Variants in CENPW observed in about 807,000 individuals in gnomAD.
CENPW encodes cancer-up-regulated gene 2 protein.
CENPW carries 3 observed loss-of-function variants against 11.1 expected under a neutral mutation model. The observed-to-expected ratio is 0.27, with a 90% CI of 0.12 to 0.70. CENPW has a LOEUF of 0.70. Ranked by LOEUF, CENPW falls within the 30% of genes least tolerant of loss-of-function variation. The probability of loss-of-function intolerance (pLI) is 0.77; values close to 1 mark genes in which losing one functional copy is unlikely to be tolerated. For missense variants in CENPW, 100 were observed against 105.6 expected (o/e 0.95, Z 0.23); for synonymous variants, 38 against 42.0 (o/e 0.91, Z 0.37).
the CENPW span, among the ~76,000 whole-genome samples, chr6:126,415,769 C>A: frequency 2.6e-5 from 4 of 152,162 alleles, no homozygotes; most frequent in African/African-American, 7.2e-5. Flanking sequence ...TGAGACATGC[C>A]TTTCACCTTC....
the CENPW span, among the ~76,000 whole-genome samples, chr6:126,425,600 G>A: frequency 6.6e-6 from 1 of 151,956 alleles, no homozygotes; most frequent in Non-Finnish European, 1.5e-5. Flanking sequence ...TTCAATAAGA[G>A]TAGTACTGCA....
chr6:126,343,220 A>G (rs1262747477), intron 1 of CENPW, among the ~76,000 whole-genome samples: 3 of 152,208 alleles, frequency 2.0e-5, no homozygotes, highest in Non-Finnish European at 4.4e-5. Flanking sequence ...TTTTCAAGTT[A>G]GAATGCCTAG....
the CENPW span, among the ~76,000 whole-genome samples, chr6:126,418,532 G>T: frequency 5.3e-5 from 8 of 152,140 alleles, no homozygotes; most frequent in Admixed American, 4.6e-4. Context: ...TTTTGGGGAA[G>T]TGAAATTATT....
intron 2 of CENPW, among the ~76,000 whole-genome samples, chr6:126,347,241 G>T (rs940283272): frequency 5.9e-5 from 9 of 152,104 alleles, no homozygotes; most frequent in African/African-American, 2.2e-4. Flanking sequence ...TGATAGAGGA[G>T]GGAAACTTAT....
chr6:126,429,407 C>T, the CENPW span, among the ~76,000 whole-genome samples: 1 of 152,016 alleles, frequency 6.6e-6, no homozygotes, highest in Non-Finnish European at 1.5e-5. Context: ...GGGTGGATTC[C>T]CCATCCCTTG....
the CENPW span, among the ~76,000 whole-genome samples, chr6:126,383,601 AAG>A: frequency 2.0e-5 from 3 of 152,066 alleles, no homozygotes; most frequent in Non-Finnish European, 2.9e-5. Context: ...AAATGGAAAA[AAG>A]AAAAAAAAAT....
At chr6:126,444,591 C>T in the CENPW span, among the ~76,000 whole-genome samples, 1 of 150,692 alleles carries the variant, frequency 6.6e-6, no homozygotes, top group African/African-American at 2.4e-5. Flanking sequence ...TATTCTTTTT[C>T]TTCCCTTCAG....
At chr6:126,441,388 G>T in the CENPW span, among the ~76,000 whole-genome samples, 1 of 151,144 alleles carries the variant, frequency 6.6e-6, no homozygotes, top group African/African-American at 2.4e-5. Context: ...GTAAACTGCC[G>T]AACTTCCCTC....
At chr6:126,378,426 C>T in the CENPW span, among the ~76,000 whole-genome samples, 1 of 151,030 alleles carries the variant, frequency 6.6e-6, no homozygotes, top group African/African-American at 2.4e-5. Flanking sequence ...CTGCTATAAC[C>T]ACACATATAA....
At chr6:126,413,428 ATATACT>A in the CENPW span, among the ~76,000 whole-genome samples, 4 of 152,122 alleles carry the variant, frequency 2.6e-5, no homozygotes, top group Non-Finnish European at 4.4e-5. Flanking sequence ...AAATATGATG[ATATACT>A]TAAAGTGCTG....
At chr6:126,454,510 T>C in the CENPW span, among the ~76,000 whole-genome samples, 1 of 151,318 alleles carries the variant, frequency 6.6e-6, no homozygotes, top group South Asian at 2.1e-4. Context: ...ATCAAGACAT[T>C]CTTTGAAATT....
chr6:126,471,220 T>TC, the CENPW span, among the ~76,000 whole-genome samples: 21 of 152,180 alleles, frequency 1.4e-4, no homozygotes, highest in South Asian at 4.4e-3. Context: ...GGGTGCCATT[T>TC]CCCCCATGGT....
the CENPW span, among the ~76,000 whole-genome samples, chr6:126,451,185 A>T: frequency 6.6e-6 from 1 of 151,150 alleles, no homozygotes; most frequent in East Asian, 2.0e-4. Flanking sequence ...TTAAAATTTA[A>T]TGGATTCTGC....
chr6:126,471,140 A>G, the CENPW span, among the ~76,000 whole-genome samples: 1 of 152,134 alleles, frequency 6.6e-6, no homozygotes, highest in Non-Finnish European at 1.5e-5. Context: ...TTGTGTCCCT[A>G]CCCAAATCTT....
At chr6:126,421,773 C>A in the CENPW span, among the ~76,000 whole-genome samples, 1 of 152,036 alleles carries the variant, frequency 6.6e-6, no homozygotes, top group African/African-American at 2.4e-5. Flanking sequence ...ATAGATAACT[C>A]AAGTACAATG....
chr6:126,462,528 TCTCTCACACA>T, the CENPW span, among the ~76,000 whole-genome samples: 1 of 147,768 alleles, frequency 6.8e-6, no homozygotes, highest in African/African-American at 2.5e-5. Context: ...TCTCTCTCTC[TCTCTCACACA>T]CACACACACA....
the CENPW span, among the ~76,000 whole-genome samples, chr6:126,434,467 C>T: frequency 1.2e-4 from 18 of 152,030 alleles, 1 homozygote; most frequent in Non-Finnish European, 2.6e-4. Context: ...TACTCCATTA[C>T]ATTTCTTCTT....
At chr6:126,437,676 G>A in the CENPW span, among the ~76,000 whole-genome samples, 12 of 151,784 alleles carry the variant, frequency 7.9e-5, no homozygotes, top group African/African-American at 2.7e-4. Flanking sequence ...TATGGAAGTT[G>A]CCATAACAAT....
the CENPW span, among the ~76,000 whole-genome samples, chr6:126,406,057 A>G: frequency 5.3e-5 from 8 of 152,116 alleles, no homozygotes; most frequent in Admixed American, 2.0e-4. Context: ...AGCTTTTAAC[A>G]TTTTCTTATT....
Sources: allele counts gnomAD v4.1 joint callset (sites outside exome capture counted in the v4.1 genomes callset), GRCh38; gene constraint gnomAD v4.1.1; transcripts MANE v1.5; gene names NCBI Gene and HGNC (gene_info 2026-07-23, HGNC 2026-07-21).